The following GRID2 variants were observed in gnomAD, a reference collection of about 807,000 sequenced individuals.
GRID2 encodes the protein glutamate receptor ionotropic, delta-2.
Under a neutral mutation model 114.8 loss-of-function variants are expected in GRID2, and 33 were observed. The ratio of observed to expected loss-of-function variants is 0.29; its 90% CI spans 0.22 to 0.38. GRID2 has a LOEUF of 0.38. Among genes scored for constraint, GRID2 ranks in the 10% least tolerant of loss-of-function variants. GRID2 has a pLI of 1.00. For synonymous variants in GRID2, 505 were observed against 449.9 expected, an observed-to-expected ratio of 1.12 and a Z score of -1.55; for missense variants, 1,184 against 1,257.7, an observed-to-expected ratio of 0.94 and a Z score of 0.89.
At chr4:92,574,432 T>G (rs1727787143) in intron 1 of GRID2, among the ~76,000 whole-genome samples, 3 of 117,310 alleles carry the variant, frequency 2.6e-5, no homozygotes, top group Admixed American at 1.7e-4. Flanking sequence ...TTTTTTTTTT[T>G]GTGGCTGGTA....
At position 92,810,386 on chromosome 4, in the gene GRID2, C is replaced by T. The variant is rs188127094; in HGVS notation, c.244+220100C>T. 4.6e-5 allele frequency among the ~76,000 whole-genome samples: 7 copies of T among 152,050 alleles called. No individual in the cohort carries two copies. In the South Asian group the frequency reaches 6.2e-4, roughly 14 times the overall value. On this transcript the variant is annotated intron_variant, in intron 2 of 15. Transcript: ENST00000282020. ...TTAAAAATTGGCATAGTGTGTGCTA[C>T]TCATGTGACAGTTGCACTAAAATCC...
rs867484413 is a variant in GRID2, at chr4:92,318,308, A to T, written c.88+13564A>T. On this transcript the variant is annotated intron_variant, in intron 1 of 15. Coordinates refer to ENST00000282020, the MANE Select transcript of GRID2 (RefSeq NM_001510.4). Reference sequence around the variant, plus strand: ...TATGTGTGTATATATATATATATATATTTTTTTTTTTTTTTTTGGTAAGCA... The same window carrying T: ...TATGTGTGTATATATATATATATATTTTTTTTTTTTTTTTTTTGGTAAGCA... Among the ~76,000 whole-genome samples the T allele has an allele frequency of 6.1e-3, 804 of 130,892 alleles. 13 individuals carry two copies. The highest frequency in any genetic ancestry group is 0.021 in the African/African-American group (701 of 32,800). 85.9% of individuals were successfully genotyped at this position (130,892 alleles called of 152,430 possible). A position where few individuals can be genotyped will look rare whatever the true frequency, so the allele number is the denominator to read the frequency against.
chr4:92,882,343 T>C (rs1053415538), intron 2 of GRID2, among the ~76,000 whole-genome samples: 9 of 152,202 alleles, frequency 5.9e-5, no homozygotes, highest in African/African-American at 2.2e-4. Flanking sequence ...AATATTTTCC[T>C]CAGAACTTAA....
chr4:92,611,040 GTGTAGCTGTATATATATA>G (rs1729701944), intron 2 of GRID2, among the ~76,000 whole-genome samples: 4 of 150,004 alleles, frequency 2.7e-5, no homozygotes, highest in Admixed American at 2.0e-4. Flanking sequence ...GTGTGTGTGT[GTGTAGCTGTATATATATA>G]TGTGTGTGTG....
At chr4:92,955,857 C>G (rs1263706141) in intron 2 of GRID2, among the ~76,000 whole-genome samples, 1 of 152,026 alleles carries the variant, frequency 6.6e-6, no homozygotes, top group Non-Finnish European at 1.5e-5. Context: ...TTCCCAGCAC[C>G]ATTTATTAAA....
chr4:93,183,236 T>G (rs1226029681), intron 4 of GRID2, among the ~76,000 whole-genome samples: 2 of 152,302 alleles, frequency 1.3e-5, no homozygotes, highest in African/African-American at 4.8e-5. Flanking sequence ...TGGGTAAAAT[T>G]TTTTAAAAAA....
intron 1 of GRID2, among the ~76,000 whole-genome samples, chr4:92,305,068 A>T (rs1403046519): frequency 1.3e-5 from 2 of 149,502 alleles, no homozygotes. Flanking sequence ...AGTTTAATTG[A>T]CTCTTATCTT....
In GRID2 at chr4:93,155,718, A is replaced by G. The variant is rs1025705208; in HGVS notation, c.735+44765A>G. On this transcript the variant is annotated intron_variant, in intron 4 of 15. Transcript: ENST00000282020. ...GGGCAAGCAAGTTTATAAAATCAAA[A>G]TGACTTCATGTGGACAGAGCATAAA... 2.0e-5 allele frequency among the ~76,000 whole-genome samples: 3 copies of G among 151,846 alleles called. No individual in the cohort carries two copies. In the Admixed American group the frequency reaches 2.0e-4, roughly 10 times the overall value.
chr4:93,205,099 C>T (rs918437544), intron 4 of GRID2, among the ~76,000 whole-genome samples: 6 of 151,930 alleles, frequency 3.9e-5, no homozygotes, highest in African/African-American at 1.2e-4. Flanking sequence ...TGGAGTCTCA[C>T]GTATTTTCTG....
chr4:93,154,797 AC>A (rs1737031753), intron 4 of GRID2, among the ~76,000 whole-genome samples: 1 of 151,658 alleles, frequency 6.6e-6, no homozygotes, highest in Admixed American at 6.6e-5. Flanking sequence ...ACCACCACCA[AC>A]AAAAAACCCT....
At position 93,785,099 on chromosome 4, in the gene GRID2, G is replaced by A. The variant is rs375276510; in HGVS notation, c.221+15649G>A. Among the ~76,000 whole-genome samples, 84 of 152,248 alleles carry A rather than the reference G, an allele frequency of 5.5e-4. 1 individual carries two copies. In the East Asian group the frequency reaches 0.012, roughly 22 times the overall value. The stretch of plus-strand genomic sequence containing the variant: ...GTCACCGTGGAGGGTAACACAAAGC[G>A]TATTGAGAAAGATCAGATAGTTTGG... On this transcript the variant is annotated intron_variant, in intron 1 of 1. Coordinates refer to the GRID2 transcript ENST00000637838.
intron 6 of GRID2, among the ~76,000 whole-genome samples, chr4:93,222,768 A>G (rs1025436925): frequency 1.1e-4 from 17 of 152,024 alleles, no homozygotes; most frequent in Non-Finnish European, 2.1e-4. Flanking sequence ...TTCCAGCTTC[A>G]TCCATGTCCC....
rs1184062940 is a variant in GRID2 at position 92,321,445 on chromosome 4, T to C, written c.88+16701T>C. Among the ~76,000 whole-genome samples, 3 of 152,212 alleles carry C rather than the reference T, an allele frequency of 2.0e-5. No individual in the cohort carries two copies. In the East Asian group the frequency reaches 5.8e-4, roughly 29 times the overall value. ...TAAGCCAAGTGTTCTTTCTGTCTCTTTGCATCTTTGTTTAGAGTCTAGCTT... is the reference window on the plus strand; with the variant it reads ...TAAGCCAAGTGTTCTTTCTGTCTCTCTGCATCTTTGTTTAGAGTCTAGCTT... On this transcript the variant is annotated intron_variant, in intron 1 of 15. Coordinates refer to ENST00000282020, the MANE Select transcript of GRID2 (RefSeq NM_001510.4).
At chr4:92,351,893 T>A (rs1374555554) in intron 1 of GRID2, among the ~76,000 whole-genome samples, 1 of 151,928 alleles carries the variant, frequency 6.6e-6, no homozygotes, top group African/African-American at 2.4e-5. Flanking sequence ...CATTTTCTTA[T>A]CCATTCATTT....
At chr4:93,712,648 C>T (rs1728583476) in intron 14 of GRID2, among the ~76,000 whole-genome samples, 1 of 151,974 alleles carries the variant, frequency 6.6e-6, no homozygotes, top group African/African-American at 2.4e-5. Flanking sequence ...TGACGTGGTA[C>T]GTAATTCAGA....
chr4:92,857,174 A>C (rs1433826511), intron 2 of GRID2, among the ~76,000 whole-genome samples: 1 of 152,146 alleles, frequency 6.6e-6, no homozygotes. Flanking sequence ...TTGAGACAAA[A>C]CAAGGTTGAA....
At chr4:92,853,244 G>T (rs1743952256) in intron 2 of GRID2, among the ~76,000 whole-genome samples, 2 of 151,980 alleles carry the variant, frequency 1.3e-5, no homozygotes, top group Non-Finnish European at 2.9e-5. Flanking sequence ...CTCAGGAAGT[G>T]CCAAAGTGGA....
At chr4:93,613,370 TGGA>T (rs1355677893) in intron 13 of GRID2, among the ~76,000 whole-genome samples, 1 of 140,096 alleles carries the variant, frequency 7.1e-6, no homozygotes, top group East Asian at 2.0e-4. Flanking sequence ...TGCGTTCCTT[TGGA>T]GGAGGAGAGG....
At chr4:92,344,336 C>T (rs992170205) in intron 1 of GRID2, among the ~76,000 whole-genome samples, 1 of 152,032 alleles carries the variant, frequency 6.6e-6, no homozygotes, top group Non-Finnish European at 1.5e-5. Context: ...AATTGAGGAC[C>T]ACTGTGAAAG....
Sources: gnomAD v4.1 joint callset for allele counts (sites outside exome capture counted in the v4.1 genomes callset) on GRCh38, gnomAD v4.1.1 for gene constraint, MANE v1.5 for transcripts, NCBI Gene and HGNC (gene_info 2026-07-23, HGNC 2026-07-21) for gene names.